The following BMPR1B variants were observed in gnomAD, a reference collection of about 807,000 sequenced individuals.
The protein encoded by BMPR1B is bone morphogenetic protein receptor type-1B.
BMPR1B carries 12 observed loss-of-function variants against 59.1 expected under a neutral mutation model. The observed-to-expected ratio is 0.20, with a 90% CI of 0.13 to 0.33. BMPR1B has a LOEUF of 0.33. BMPR1B is among the 10% of genes least tolerant of loss of function. BMPR1B has a pLI of 1.00. For synonymous variants in BMPR1B, 237 were observed against 207.3 expected (o/e 1.14, Z -1.23); for missense variants, 550 against 610.9 (o/e 0.90, Z 1.05).
chr4:95,115,637 T>A, intron 5 of BMPR1B, 48 bp from the exon 6 acceptor site: 1 of 1,509,758 alleles, frequency 6.6e-7, no homozygotes, highest in East Asian at 2.3e-5. Flanking sequence ...TGATTTGACT[T>A]TGAAATTTGG....
intron 2 of BMPR1B, among the ~76,000 whole-genome samples, chr4:94,905,116 A>T (rs922210094): frequency 6.6e-6 from 1 of 152,040 alleles, no homozygotes; most frequent in Non-Finnish European, 1.5e-5. Flanking sequence ...TTGTCCAAAG[A>T]TGGGGAAAAT....
intron 1 of BMPR1B, among the ~76,000 whole-genome samples, chr4:94,830,875 AAAAGT>A (rs1323648603): frequency 6.6e-6 from 1 of 152,214 alleles, no homozygotes; most frequent in African/African-American, 2.4e-5. Context: ...CCAATCATAC[AAAAGT>A]ATAGCACAAT....
At chr4:94,970,425 C>T (rs1166204229) in intron 2 of BMPR1B, among the ~76,000 whole-genome samples, 1 of 152,012 alleles carries the variant, frequency 6.6e-6, no homozygotes, top group Non-Finnish European at 1.5e-5. Context: ...AAGCTATTCT[C>T]CTGCCTCAGC....
chr4:94,883,868 A>C (rs928533628), intron 2 of BMPR1B, among the ~76,000 whole-genome samples: 1 of 152,068 alleles, frequency 6.6e-6, no homozygotes, highest in African/African-American at 2.4e-5. Flanking sequence ...ATTCCCTAGA[A>C]CCTACCAGAG....
At chr4:94,862,193 C>T (rs1726011892) in intron 1 of BMPR1B, among the ~76,000 whole-genome samples, 2 of 151,816 alleles carry the variant, frequency 1.3e-5, no homozygotes, top group South Asian at 4.2e-4. Flanking sequence ...CTGTGTCACC[C>T]AGGCTGGAGT....
rs1367553770 is a variant in BMPR1B, at chr4:95,104,550, A to G, written c.126A>G (p.Ser42=). The change falls in exon 4 of 13, where the codon TCA becomes TCG. Residue 42 remains serine (S), a synonymous_variant. Transcript: ENST00000515059. ...GCCACCACCATTGTCCAGAAGACTC[A>G]GTCAACAATATTTGCAGGTTGGTGA... ...CKCHHHCPED[S]VNNICSTDGY... 2 of 1,613,346 alleles carry G rather than the reference A, an allele frequency of 1.2e-6. No homozygotes were observed.
At chr4:94,777,887 G>C (rs755668096) in intron 1 of BMPR1B, among the ~76,000 whole-genome samples, 10 of 151,936 alleles carry the variant, frequency 6.6e-5, no homozygotes, top group Non-Finnish European at 1.5e-4. Context: ...TTAGCTGGGC[G>C]TGGTGGCAGG....
intron 2 of BMPR1B, among the ~76,000 whole-genome samples, chr4:94,962,776 A>G (rs1730419624): frequency 6.6e-6 from 1 of 152,202 alleles, no homozygotes; most frequent in African/African-American, 2.4e-5. Context: ...GTGCTGCAAT[A>G]AACATGGGAA....
At chr4:95,002,868 TTTAC>T (rs1722549266) in intron 3 of BMPR1B, among the ~76,000 whole-genome samples, 1 of 152,186 alleles carries the variant, frequency 6.6e-6, no homozygotes, top group Non-Finnish European at 1.5e-5. Flanking sequence ...TGATATTTAA[TTTAC>T]TTATTTTTAA....
intron 2 of BMPR1B, among the ~76,000 whole-genome samples, chr4:94,970,306 T>TCTC (rs1730734935): frequency 3.1e-5 from 3 of 98,342 alleles, no homozygotes; most frequent in African/African-American, 1.1e-4. Context: ...CTTCTCTTCT[T>TCTC]TCTCTCTCTC....
chr4:94,878,311 G>A lies in BMPR1B; in HGVS notation c.-113+2411G>A, dbSNP rs185293292. Among the ~76,000 whole-genome samples, 109 of 152,180 alleles carry A rather than the reference G, an allele frequency of 7.2e-4. 2 individuals carry two copies. The highest frequency in any genetic ancestry group is 5.8e-4 in the East Asian group (3 of 5,180). ...CAACAAATTTAGTTTAAAGATACTA[G>A]GTTTTTATTAGCAATTCATGAATCA... is the stretch of plus-strand genomic sequence containing the variant. On this transcript the variant is annotated intron_variant, in intron 2 of 12. Transcript: ENST00000515059.
At chr4:95,114,921 T>C (rs1479938735) in intron 5 of BMPR1B, 99 bp downstream of exon 5, 1 of 1,160,310 alleles carries the variant, frequency 8.6e-7, no homozygotes, top group Non-Finnish European at 1.3e-6. Context: ...AGCCCATTTT[T>C]AGTATAGTCA....
rs563694727 is a variant in BMPR1B at position 94,971,742 on chromosome 4, G to A, written c.-112-24298G>A. ...AAGATTAATCTAAATTTTATTAGCAGTAAAATATCTCATTAAATACGTTTA... is the reference window on the plus strand; with the variant it reads ...AAGATTAATCTAAATTTTATTAGCAATAAAATATCTCATTAAATACGTTTA... On this transcript the variant is annotated intron_variant, in intron 2 of 12. Transcript: ENST00000515059. 7.9e-5 allele frequency among the ~76,000 whole-genome samples: 12 copies of A among 151,862 alleles called. No homozygotes were observed. In the South Asian group the frequency reaches 2.5e-3, roughly 32 times the overall value.
chr4:95,090,673 T>G (rs959896601), intron 3 of BMPR1B, among the ~76,000 whole-genome samples: 8 of 152,088 alleles, frequency 5.3e-5, no homozygotes, highest in Non-Finnish European at 1.0e-4. Context: ...TACAGCACTT[T>G]GAAATATTTG....
chr4:94,909,935 T>C (rs932964069), intron 2 of BMPR1B, among the ~76,000 whole-genome samples: 3 of 152,084 alleles, frequency 2.0e-5, no homozygotes, highest in Non-Finnish European at 4.4e-5. Flanking sequence ...AATGAATTTC[T>C]GAGTTAGGTC....
chr4:95,094,281 T>A (rs1730209968), intron 3 of BMPR1B, among the ~76,000 whole-genome samples: 1 of 152,092 alleles, frequency 6.6e-6, no homozygotes, highest in African/African-American at 2.4e-5. Context: ...ACTTTCAGTA[T>A]GTTTCTTAAG....
chr4:94,855,935 T>C (rs1011836910), intron 1 of BMPR1B, among the ~76,000 whole-genome samples: 3 of 152,202 alleles, frequency 2.0e-5, no homozygotes, highest in Non-Finnish European at 4.4e-5. Context: ...CAGTTAGTAT[T>C]TGTCAAATGA....
chr4:95,033,006 A>G (rs1205272183), intron 3 of BMPR1B, among the ~76,000 whole-genome samples: 1 of 152,140 alleles, frequency 6.6e-6, no homozygotes, highest in Non-Finnish European at 1.5e-5. Flanking sequence ...TGTTTTTGAT[A>G]GTACCCATTC....
intron 4 of BMPR1B, among the ~76,000 whole-genome samples, chr4:95,109,134 A>G (rs1731422433): frequency 6.6e-6 from 1 of 152,060 alleles, no homozygotes; most frequent in African/African-American, 2.4e-5. Context: ...TTCCTCACGC[A>G]TGTTATGCAT....
Sources: allele counts gnomAD v4.1 joint callset (sites outside exome capture counted in the v4.1 genomes callset), GRCh38; gene constraint gnomAD v4.1.1; transcripts MANE v1.5; gene names NCBI Gene and HGNC (gene_info 2026-07-23, HGNC 2026-07-21).